The following TTC29 variants were observed in gnomAD, a reference collection of about 807,000 sequenced individuals.
The protein encoded by TTC29 is tetratricopeptide repeat domain 29, also known as tetratricopeptide repeat protein 29.
A neutral mutation model predicts 58.1 loss-of-function variants in TTC29; 49 were observed. The observed-to-expected ratio is 0.84, with a 90% CI of 0.67 to 1.07. The LOEUF (loss-of-function observed/expected upper bound fraction) is 1.07, where lower values mean the gene tolerates loss of function less well. Ranked by LOEUF, TTC29 falls within the 50% of genes least tolerant of loss-of-function variation. The pLI, the probability that TTC29 is intolerant of heterozygous loss-of-function variation, is 0.00. For missense variants in TTC29, 582 were observed against 555.6 expected (o/e 1.05, Z -0.48); for synonymous variants, 209 against 196.8 (o/e 1.06, Z -0.52).
chr4:146,820,857 C>T (rs1751765742), intron 9 of TTC29, among the ~76,000 whole-genome samples: 1 of 151,938 alleles, frequency 6.6e-6, no homozygotes, highest in Non-Finnish European at 1.5e-5. Context: ...ATGGTGAAAC[C>T]CCATCTCTAC....
intron 11 of TTC29, among the ~76,000 whole-genome samples, chr4:146,732,571 T>G (rs1051785580): frequency 1.3e-5 from 2 of 152,076 alleles, no homozygotes; most frequent in Non-Finnish European, 2.9e-5. Flanking sequence ...TTGAAAAGTT[T>G]TGGGTTTAAC....
intron 11 of TTC29, among the ~76,000 whole-genome samples, chr4:146,772,696 G>T (rs886797763): frequency 6.6e-6 from 1 of 152,010 alleles, no homozygotes. Context: ...GGATTGTCTT[G>T]GCTGTTTAGA....
intron 9 of TTC29, among the ~76,000 whole-genome samples, chr4:146,821,586 G>A (rs1225366426): frequency 1.3e-5 from 2 of 152,130 alleles, no homozygotes; most frequent in African/African-American, 4.8e-5. Context: ...ATAATTTCTA[G>A]CAGAGAATTT....
chr4:146,895,494 T>C (rs950487770), intron 6 of TTC29, among the ~76,000 whole-genome samples: 15 of 151,448 alleles, frequency 9.9e-5, no homozygotes, highest in African/African-American at 2.5e-4. Flanking sequence ...GCAGGACATA[T>C]CCGACTGGTG....
In TTC29 at chr4:146,787,161, C is replaced by G. The variant is rs1039808548; in HGVS notation, c.1330+16296G>C. On this transcript the variant is annotated intron_variant, in intron 11 of 12. Coordinates refer to ENST00000325106, the MANE Select transcript of TTC29 (RefSeq NM_031956.4). The stretch of plus-strand genomic sequence containing the variant: ...TCTGCTTTTGAGAGCTAAAGAACTA[C>G]CTAGTAAGGATGAAAAATTGTTCAA... Among the ~76,000 whole-genome samples, 3 of 152,004 alleles carry G rather than the reference C, an allele frequency of 2.0e-5. No homozygotes were observed. The South Asian group carries it at 6.2e-4, about 32-fold the overall frequency.
At position 146,925,707 on chromosome 4, in the gene TTC29, A is replaced by T. The variant is rs79119692; in HGVS notation, c.176+11887T>A. ...CTTTGGCTACTTTGATTATAGGATA[A>T]AAAATTGTTTCAGACAAGCTTAAGT... is the stretch of plus-strand genomic sequence containing the variant. On this transcript the variant is annotated intron_variant, in intron 4 of 12. Transcript: ENST00000325106. 3.8e-3 allele frequency among the ~76,000 whole-genome samples: 578 copies of T among 152,282 alleles called. 2 individuals carry two copies. The highest frequency in any genetic ancestry group is 6.9e-3 in the Non-Finnish European group (470 of 67,994).
At chr4:146,895,435 G>A (rs755961705) in intron 6 of TTC29, among the ~76,000 whole-genome samples, 23 of 152,172 alleles carry the variant, frequency 1.5e-4, no homozygotes, top group Non-Finnish European at 7.3e-5. Context: ...AGTCTTCCTT[G>A]AGGGGACTTC....
At chr4:146,811,213 C>T (rs1751000578) in intron 10 of TTC29, among the ~76,000 whole-genome samples, 1 of 152,116 alleles carries the variant, frequency 6.6e-6, no homozygotes, top group African/African-American at 2.4e-5. Context: ...TTACATGGCT[C>T]TTATGAAGCA....
chr4:146,736,554 A>C (rs1744720979), intron 11 of TTC29, among the ~76,000 whole-genome samples: 1 of 152,236 alleles, frequency 6.6e-6, no homozygotes, highest in Non-Finnish European at 1.5e-5. Flanking sequence ...TAGAAGCCAG[A>C]GTGCTGGCAG....
intron 11 of TTC29, among the ~76,000 whole-genome samples, chr4:146,791,210 A>G (rs1749423542): frequency 6.6e-6 from 1 of 152,150 alleles, no homozygotes; most frequent in African/African-American, 2.4e-5. Flanking sequence ...TCTTTATTGC[A>G]CTATGCAGAT....
chr4:146,848,997 C>T (rs1248325186), intron 8 of TTC29, among the ~76,000 whole-genome samples: 1 of 152,178 alleles, frequency 6.6e-6, no homozygotes, highest in African/African-American at 2.4e-5. Context: ...GTTCTTCTTG[C>T]TTGAATCTCT....
At chr4:146,860,427 T>C (rs992403498) in intron 8 of TTC29, among the ~76,000 whole-genome samples, 2 of 152,176 alleles carry the variant, frequency 1.3e-5, no homozygotes, top group African/African-American at 4.8e-5. Flanking sequence ...ATTTTTGGAA[T>C]ATTTTTTCTG....
At chr4:146,737,596 G>GGC (rs1744810433) in intron 11 of TTC29, among the ~76,000 whole-genome samples, 1 of 149,554 alleles carries the variant, frequency 6.7e-6, no homozygotes, top group Non-Finnish European at 1.5e-5. Flanking sequence ...GCCCTGGGGG[G>GGC]GGGGGGGCTA....
chr4:146,745,475 G>T (rs1331262336), intron 11 of TTC29, among the ~76,000 whole-genome samples: 2 of 152,222 alleles, frequency 1.3e-5, no homozygotes, highest in Non-Finnish European at 1.5e-5. Context: ...AGCAAATAAA[G>T]TTTGGCTGAG....
At chr4:146,737,599 G>T (rs960961016) in intron 11 of TTC29, among the ~76,000 whole-genome samples, 5 of 149,370 alleles carry the variant, frequency 3.3e-5, no homozygotes, top group Non-Finnish European at 6.0e-5. Flanking sequence ...CTGGGGGGGG[G>T]GGGGCTACAA....
At chr4:146,900,682 A>G (rs1733084519) in intron 6 of TTC29, among the ~76,000 whole-genome samples, 1 of 152,224 alleles carries the variant, frequency 6.6e-6, no homozygotes, top group Non-Finnish European at 1.5e-5. Context: ...TTTAAAAATC[A>G]GAATGAGAGG....
chr4:146,907,998 T>G, intron 5 of TTC29, among the ~76,000 whole-genome samples: 1 of 152,288 alleles, frequency 6.6e-6, no homozygotes, highest in East Asian at 1.9e-4. Context: ...GTTTTGTTGT[T>G]CACATTTTTG....
chr4:146,713,983 C>T (rs1252300165), intron 11 of TTC29, among the ~76,000 whole-genome samples: 1 of 152,034 alleles, frequency 6.6e-6, no homozygotes, highest in Non-Finnish European at 1.5e-5. Context: ...CTGATTGTTG[C>T]TACATTATAA....
intron 9 of TTC29, among the ~76,000 whole-genome samples, chr4:146,827,610 A>G (rs1464557004): frequency 6.6e-6 from 1 of 152,212 alleles, no homozygotes; most frequent in Non-Finnish European, 1.5e-5. Context: ...AATAACTTTG[A>G]TCATACTAAA....
Sources: allele counts gnomAD v4.1 joint callset (sites outside exome capture counted in the v4.1 genomes callset), GRCh38; gene constraint gnomAD v4.1.1; transcripts MANE v1.5; gene names NCBI Gene and HGNC (gene_info 2026-07-23, HGNC 2026-07-21).